Variants in ESS2 observed in about 807,000 individuals in gnomAD.
ESS2 encodes splicing factor ESS-2 homolog.
A neutral mutation model predicts 52.0 loss-of-function variants in ESS2; 31 were observed. That is an observed-to-expected ratio of 0.60 (90% CI 0.45 to 0.81). ESS2 has a LOEUF of 0.81. Ranked by LOEUF, ESS2 falls within the 30% of genes least tolerant of loss-of-function variation. ESS2 has a pLI of 0.00. For missense variants in ESS2, 602 were observed against 637.2 expected (o/e 0.94, Z 0.59); for synonymous variants, 285 against 259.2 (o/e 1.10, Z -0.95).
At chr22:19,143,110 C>G (rs1366907092) in intron 1 of ESS2, among the ~76,000 whole-genome samples, 1 of 144,474 alleles carries the variant, frequency 6.9e-6, no homozygotes, top group Non-Finnish European at 1.5e-5. Flanking sequence ...GAGGCTGAAG[C>G]AGAAGAATCG....
intron 9 of ESS2, 128 bp downstream of exon 9, chr22:19,134,932 G>T: frequency 1.2e-6 from 1 of 808,724 alleles, no homozygotes; most frequent in Non-Finnish European, 2.0e-6. Context: ...AGTACCCACT[G>T]CAGAACCCCG....
intron 1 of ESS2, chr22:19,144,289 G>C: frequency 7.5e-7 from 1 of 1,325,362 alleles, no homozygotes. Flanking sequence ...CCCATACAAA[G>C]AGAGCCGCTC....
intron 8 of ESS2, among the ~76,000 whole-genome samples, chr22:19,136,758 G>A (rs1227222145): frequency 6.6e-6 from 1 of 152,126 alleles, no homozygotes; most frequent in Admixed American, 6.5e-5. Context: ...AAGGTAACCA[G>A]AACCTCTCCC....
intron 8 of ESS2, among the ~76,000 whole-genome samples, chr22:19,136,648 C>T (rs1194428474): frequency 6.6e-6 from 1 of 152,134 alleles, no homozygotes; most frequent in Non-Finnish European, 1.5e-5. Context: ...GCACCTCAGC[C>T]CTTGCCTTGC....
At chr22:19,137,979 G>C in intron 7 of ESS2, 1 of 985,392 alleles carries the variant, frequency 1.0e-6, no homozygotes, top group Non-Finnish European at 1.2e-6. Flanking sequence ...GACAGGACAC[G>C]TCATCCCAGG....
chr22:19,139,222 C>T lies in ESS2; in HGVS notation c.759G>A (p.Arg253=). Residue 253 remains arginine (R), a synonymous_variant, in exon 6 of 10, where the codon AGG becomes AGA. Transcript: ENST00000252137. ...TGCTCAGGGCTTGGCTGAAGGGGTCCCTAAGGAAGCGCGTGTTCTTATGTA... is the reference window on the plus strand; with the variant it reads ...TGCTCAGGGCTTGGCTGAAGGGGTCTCTAAGGAAGCGCGTGTTCTTATGTA... ...QVVHKNTRFL[R]DPFSQALSRC... 6.2e-7 allele frequency: 1 copy of T among 1,608,772 alleles called. No individual in the cohort carries two copies. Among genetic ancestry groups the T allele is most frequent in the Non-Finnish European group, 8.5e-7 (1 of 1,177,386 alleles).
intron 9 of ESS2, among the ~76,000 whole-genome samples, chr22:19,134,691 T>G (rs979033215): frequency 6.6e-6 from 1 of 152,110 alleles, no homozygotes; most frequent in Admixed American, 6.5e-5. Flanking sequence ...AGCACCGCCC[T>G]TGGCTGTGGG....
At chr22:19,143,724 C>T (rs1490998954) in intron 1 of ESS2, among the ~76,000 whole-genome samples, 15 of 152,112 alleles carry the variant, frequency 9.9e-5, no homozygotes, top group Admixed American at 9.2e-4. Context: ...GGCGTGGTGG[C>T]GGGCACCTGT....
chr22:19,142,946 C>A, intron 1 of ESS2, 52 bp from the exon 2 acceptor site: 2 of 1,552,292 alleles, frequency 1.3e-6, no homozygotes, highest in Non-Finnish European at 1.7e-6. Flanking sequence ...GTGGCTCACA[C>A]CTGTAATCCC....
intron 1 of ESS2, among the ~76,000 whole-genome samples, chr22:19,143,215 A>AG (rs1185764330): frequency 3.0e-4 from 46 of 151,056 alleles, no homozygotes; most frequent in African/African-American, 9.0e-4. Context: ...AAAAAAAAAA[A>AG]AAAAAGAAAA....
intron 1 of ESS2, 76 bp downstream of exon 1, chr22:19,144,430 C>G (rs2083748947): frequency 3.1e-6 from 5 of 1,600,614 alleles, no homozygotes; most frequent in Non-Finnish European, 3.4e-6. Flanking sequence ...TGTCAACACC[C>G]GAGAGAGGGA....
intron 8 of ESS2, among the ~76,000 whole-genome samples, chr22:19,135,493 C>T (rs554291624): frequency 3.6e-4 from 55 of 152,332 alleles, no homozygotes; most frequent in African/African-American, 1.2e-3. Flanking sequence ...CTCTGTATTT[C>T]GGGCGCTTCC....
rs202175079 is a variant in ESS2, at chr22:19,137,424, C to T, written c.934G>A (p.Glu312Lys). 17 of 1,612,258 alleles carry T rather than the reference C, an allele frequency of 1.1e-5. No individual in the cohort carries two copies. Among genetic ancestry groups the T allele is most frequent in the South Asian group, 9.9e-5 (9 of 90,974 alleles). The change falls in exon 8 of 10, where the codon GAG becomes AAG. Residue 312 changes from glutamate (E) to lysine (K), a missense_variant. Transcript: ENST00000252137. ...ATPSPAPGVN[E>K]SPMMTWGEVE... ...TCCCCCCAGGTCATCATCGGGGACTCGTTCACACCTGCAGACAAAGAGCCC... is the reference window on the plus strand; with the variant it reads ...TCCCCCCAGGTCATCATCGGGGACTTGTTCACACCTGCAGACAAAGAGCCC...
rs755792682 is a variant in ESS2 at position 19,137,384 on chromosome 22, G to C, written c.974C>G (p.Pro325Arg). ...CGTTTCCGACCCTTCAACTCTCAAGGGTGTGTTCTCAACCTCCCCCCAGGT... is the reference window on the plus strand; with the variant it reads ...CGTTTCCGACCCTTCAACTCTCAAGCGTGTGTTCTCAACCTCCCCCCAGGT... ...MMTWGEVENT[P>R]LRVEGSETPY... is the part of the protein sequence containing the mutation. The change falls in exon 8 of 10, where the codon CCC becomes CGC. Residue 325 changes from proline (P) to arginine (R), a missense_variant. Transcript: ENST00000252137. The C allele has an allele frequency of 6.2e-7, 1 of 1,613,694 alleles. No homozygotes were observed. The highest frequency in any genetic ancestry group is 1.1e-5 in the South Asian group (1 of 91,068).
Position 19,130,493 on chromosome 22 carries a change from TA to T in ESS2, c.*3702del. 1.5e-5 allele frequency: 5 copies of T among 337,936 alleles called. No homozygotes were observed. The highest frequency in any genetic ancestry group is 8.6e-5 in the East Asian group (1 of 11,692). 20.9% of individuals were successfully genotyped at this position (337,936 alleles called of 1,614,324 possible). A position where few individuals can be genotyped will look rare whatever the true frequency, so the allele number is the denominator to read the frequency against. ...AAAAAAAATGCTTGCTAAGTCCGAT[TA>T]AAAGGGGCCCAGTGCCTTCAAGGCC... is the stretch of plus-strand genomic sequence containing the variant. On this transcript the variant is annotated 3_prime_UTR_variant, in exon 10 of 10. Transcript: ENST00000252137.
In ESS2 at chr22:19,130,956, A is replaced by G. The variant is rs192924420; in HGVS notation, c.*3240T>C. ...CTTCATAGCCAAAGAAGCTGCAGGA[A>G]ACCCACCCTAGTGGGACAAAGACCA... On this transcript the variant is annotated 3_prime_UTR_variant, in exon 10 of 10. Coordinates refer to ENST00000252137, the MANE Select transcript of ESS2 (RefSeq NM_022719.3). 1.0e-5 allele frequency: 2 copies of G among 191,420 alleles called. No homozygotes were observed. Among genetic ancestry groups the G allele is most frequent in the African/African-American group, 4.7e-5 (2 of 42,300 alleles). 11.9% of individuals were successfully genotyped at this position (191,420 alleles called of 1,614,324 possible).
chr22:19,134,506 G>A (rs761058414), intron 9 of ESS2, 31 bp from the exon 10 acceptor site: 2 of 1,495,052 alleles, frequency 1.3e-6, no homozygotes, highest in East Asian at 2.5e-5. Context: ...AGAGAGGCAG[G>A]GTTAGGTGGG....
At chr22:19,144,325 C>A (rs911542265) in intron 1 of ESS2, 181 bp downstream of exon 1, 1 of 1,404,752 alleles carries the variant, frequency 7.1e-7, no homozygotes, top group African/African-American at 1.5e-5. Context: ...AACACTACTA[C>A]AGCCTCTTCC....
At chr22:19,143,454 G>A (rs1265267164) in intron 1 of ESS2, among the ~76,000 whole-genome samples, 2 of 152,218 alleles carry the variant, frequency 1.3e-5, no homozygotes, top group African/African-American at 2.4e-5. Flanking sequence ...CTTCTCTCTC[G>A]CCCTTGCTAA....
Sources: gnomAD v4.1 joint callset for allele counts (sites outside exome capture counted in the v4.1 genomes callset) on GRCh38, gnomAD v4.1.1 for gene constraint, MANE v1.5 for transcripts, NCBI Gene and HGNC (gene_info 2026-07-23, HGNC 2026-07-21) for gene names.